Variants in METAP1 observed in about 807,000 individuals in gnomAD.
METAP1 encodes methionine aminopeptidase 1.
In METAP1, 28 loss-of-function variants were observed where a neutral mutation model predicts 53.8. That is an observed-to-expected ratio of 0.52 (90% confidence interval 0.39 to 0.71). The LOEUF is 0.71. Ranked by LOEUF, METAP1 falls within the 30% of genes least tolerant of loss-of-function variation. The pLI is 0.00. For missense variants in METAP1, 389 were observed against 479.8 expected (o/e 0.81, Z 1.77); for synonymous variants, 181 against 165.7 (o/e 1.09, Z -0.71).
intron 1 of METAP1, among the ~76,000 whole-genome samples, chr4:99,027,541 G>C (rs1459816508): frequency 8.0e-6 from 1 of 125,372 alleles, no homozygotes; most frequent in African/African-American, 3.8e-5. Context: ...GGGACAAGAG[G>C]TCACCCCCCC....
Position 99,055,083 on chromosome 4 carries a change from A to G in METAP1, c.932-2670A>G, listed in dbSNP as rs568316384. Among the ~76,000 whole-genome samples, 3 of 152,022 alleles carry G rather than the reference A, an allele frequency of 2.0e-5. No individual in the cohort carries two copies. The South Asian group carries it at 6.3e-4, about 32-fold the overall frequency. ...AGAGCAGGGTTGCCACAAATCTTCA[A>G]TTTATTTTTAAAAAAAAAAGCATCT... On this transcript the variant is annotated intron_variant, in intron 9 of 10. Transcript: ENST00000296411.
intron 2 of METAP1, among the ~76,000 whole-genome samples, chr4:99,030,664 C>T (rs1408676021): frequency 2.0e-5 from 3 of 151,998 alleles, no homozygotes; most frequent in Admixed American, 2.0e-4. Flanking sequence ...ATTGGGGAAA[C>T]AGAATGTTGC....
chr4:99,027,288 A>T lies in METAP1; in HGVS notation c.115-1579A>T, dbSNP rs151195803. On this transcript the variant is annotated intron_variant, in intron 1 of 10. Transcript: ENST00000296411. Reference sequence around the variant, plus strand: ...TCACAGAATGATTGTCTAATAACCCACTGGGGTACAGATGCTTATTACCCT... The same window carrying T: ...TCACAGAATGATTGTCTAATAACCCTCTGGGGTACAGATGCTTATTACCCT... Among the ~76,000 whole-genome samples, 864 of 152,264 alleles carry T rather than the reference A, an allele frequency of 5.7e-3. 6 individuals carry two copies. The highest frequency in any genetic ancestry group is 0.02 in the African/African-American group (826 of 41,554).
chr4:99,039,215 GT>G (rs930989878), intron 4 of METAP1, 158 bp from the exon 5 acceptor site: 30 of 451,096 alleles, frequency 6.7e-5, no homozygotes, highest in South Asian at 1.5e-4. Flanking sequence ...TGTTGAAAAT[GT>G]TTTTTTTTAA....
At chr4:99,033,380 C>T (rs559464061) in intron 2 of METAP1, among the ~76,000 whole-genome samples, 290 of 151,978 alleles carry the variant, frequency 1.9e-3, no homozygotes, top group Non-Finnish European at 3.5e-3. Flanking sequence ...ACTTGGTCTA[C>T]GAGGGACTTG....
At chr4:99,018,800 C>T (rs1462743222) in intron 1 of METAP1, among the ~76,000 whole-genome samples, 1 of 152,092 alleles carries the variant, frequency 6.6e-6, no homozygotes, top group African/African-American at 2.4e-5. Context: ...TTTAATAAGG[C>T]CTTCAATCAC....
chr4:99,050,958 T>G (rs1726652023), intron 9 of METAP1, among the ~76,000 whole-genome samples: 1 of 152,192 alleles, frequency 6.6e-6, no homozygotes, highest in Admixed American at 6.5e-5. Context: ...ACCACCTAAT[T>G]CTTTTTATTT....
intron 4 of METAP1, among the ~76,000 whole-genome samples, 166 bp downstream of exon 4, chr4:99,035,626 A>G (rs896650370): frequency 2.6e-5 from 4 of 152,180 alleles, no homozygotes; most frequent in Non-Finnish European, 4.4e-5. Flanking sequence ...TCTTGCCCCC[A>G]TTAGAAATCT....
intron 9 of METAP1, among the ~76,000 whole-genome samples, chr4:99,050,080 C>T (rs551222205): frequency 5.3e-5 from 8 of 152,032 alleles, no homozygotes; most frequent in Admixed American, 2.0e-4. Flanking sequence ...TTCATGCTGA[C>T]GAGTAAGGAT....
At chr4:99,028,404 C>G (rs1237488887) in intron 1 of METAP1, among the ~76,000 whole-genome samples, 1 of 152,124 alleles carries the variant, frequency 6.6e-6, no homozygotes, top group Non-Finnish European at 1.5e-5. Context: ...ACCATCCCTT[C>G]CCTCACACAG....
At chr4:99,023,630 T>C (rs1724313879) in intron 1 of METAP1, 1 of 985,446 alleles carries the variant, frequency 1.0e-6, no homozygotes, top group Middle Eastern at 5.2e-4. Flanking sequence ...CCATTTAATG[T>C]TAATTCTAGC....
At chr4:99,042,959 C>T (rs1725987075) in intron 6 of METAP1, among the ~76,000 whole-genome samples, 1 of 152,016 alleles carries the variant, frequency 6.6e-6, no homozygotes, top group Non-Finnish European at 1.5e-5. Flanking sequence ...CAGAAAGTTT[C>T]AGATTTTGGA....
At chr4:99,056,072 A>G (rs1203384300) in intron 9 of METAP1, among the ~76,000 whole-genome samples, 1 of 152,238 alleles carries the variant, frequency 6.6e-6, no homozygotes, top group Non-Finnish European at 1.5e-5. Flanking sequence ...AAAGTTATGC[A>G]GGAATATAAA....
intron 8 of METAP1, among the ~76,000 whole-genome samples, chr4:99,046,951 A>AAAAAAAAAAAAAAAAAAAAG (rs1726301938): frequency 6.7e-6 from 1 of 148,358 alleles, no homozygotes; most frequent in African/African-American, 2.6e-5. Flanking sequence ...AAAAAAAAAA[A>AAAAAAAAAAAAAAAAAAAAG]AAAAAAAGAA....
At chr4:99,023,785 C>G (rs762075337) in intron 1 of METAP1, 2 of 984,876 alleles carry the variant, frequency 2.0e-6, no homozygotes, top group Non-Finnish European at 2.4e-6. Flanking sequence ...TTGATAGATA[C>G]TAAAGTAGTG....
chr4:99,045,533 A>G (rs746603117), intron 8 of METAP1, among the ~76,000 whole-genome samples: 4 of 152,124 alleles, frequency 2.6e-5, no homozygotes, highest in Admixed American at 6.5e-5. Context: ...TCTGTGATTT[A>G]TCTTCCTTTT....
intron 1 of METAP1, among the ~76,000 whole-genome samples, chr4:99,007,033 C>T (rs1053428991): frequency 1.3e-5 from 2 of 151,602 alleles, no homozygotes; most frequent in Admixed American, 1.3e-4. Flanking sequence ...TCATGGCTCA[C>T]TACAGCCTCA....
intron 2 of METAP1, among the ~76,000 whole-genome samples, chr4:99,032,069 C>A (rs146552624): frequency 6.6e-6 from 1 of 152,248 alleles, no homozygotes; most frequent in African/African-American, 2.4e-5. Context: ...TCAAATTGAT[C>A]CTAAAATGTA....
At chr4:99,017,697 T>C (rs185828069) in intron 1 of METAP1, among the ~76,000 whole-genome samples, 29 of 152,396 alleles carry the variant, frequency 1.9e-4, no homozygotes, top group Admixed American at 1.8e-3. Context: ...GTCAGCCATC[T>C]TTCCGCTTTT....
Sources: gnomAD v4.1 joint callset for allele counts (sites outside exome capture counted in the v4.1 genomes callset) on GRCh38, gnomAD v4.1.1 for gene constraint, MANE v1.5 for transcripts, NCBI Gene and HGNC (gene_info 2026-07-23, HGNC 2026-07-21) for gene names.